The following TMEM171 variants were observed in gnomAD, a reference collection of about 807,000 sequenced individuals.
TMEM171 encodes the protein proline-rich protein PRP2.
In TMEM171, 16 loss-of-function variants were observed where a neutral mutation model predicts 19.1. The ratio of observed to expected loss-of-function variants is 0.84; its 90% CI spans 0.57 to 1.27. TMEM171 has a LOEUF of 1.27. Ranked by LOEUF, TMEM171 falls within the 50% of genes most tolerant of loss-of-function variation. The probability of loss-of-function intolerance (pLI) is 0.00; values close to 1 mark genes in which losing one functional copy is unlikely to be tolerated. For missense variants in TMEM171, 429 were observed against 412.7 expected (o/e 1.04, Z -0.34); for synonymous variants, 153 against 163.4 (o/e 0.94, Z 0.48).
chr5:73,125,417 G>C (rs917740808), intron 2 of TMEM171, among the ~76,000 whole-genome samples: 1 of 152,154 alleles, frequency 6.6e-6, no homozygotes, highest in African/African-American at 2.4e-5. Context: ...GATATCAAGT[G>C]ACTTGCCTAA....
intron 3 of TMEM171, among the ~76,000 whole-genome samples, chr5:73,129,541 T>A (rs1217693928): frequency 2.0e-5 from 3 of 152,094 alleles, no homozygotes; most frequent in Non-Finnish European, 4.4e-5. Context: ...GAAACGGCCG[T>A]AGATTCCCTG....
At chr5:73,131,451 TA>T in intron 3 of TMEM171, 86 bp from the exon 4 acceptor site, 1 of 1,060,656 alleles carries the variant, frequency 9.4e-7, no homozygotes, top group Non-Finnish European at 1.3e-6. Flanking sequence ...TAAGTGCATG[TA>T]ATCAAACATT....
chr5:73,129,502 C>T (rs141857427), intron 3 of TMEM171, among the ~76,000 whole-genome samples: 2,156 of 152,266 alleles, frequency 0.014, 52 homozygotes, highest in African/African-American at 0.049. Context: ...TAGGGTTTTC[C>T]TTTCAATTTA....
intron 1 of TMEM171, among the ~76,000 whole-genome samples, chr5:73,122,438 C>T (rs1322625117): frequency 6.6e-6 from 1 of 152,220 alleles, no homozygotes; most frequent in Non-Finnish European, 1.5e-5. Flanking sequence ...CAGGGTCTCA[C>T]TCTGTTGCCC....
Position 73,131,769 on chromosome 5 carries a change from CTATTT to C in TMEM171, c.*45_*49del. ...GTTCAGTTTTATATGCAATGGATCA[CTATTT>C]TATTTAATTTTTTTTAAATAAAAAA... On this transcript the variant is annotated 3_prime_UTR_variant, in exon 4 of 4. Coordinates refer to ENST00000454765, the MANE Select transcript of TMEM171 (RefSeq NM_173490.8). The C allele has an allele frequency of 1.4e-6, 2 of 1,469,126 alleles. No individual in the cohort carries two copies. The highest frequency in any genetic ancestry group is 1.8e-6 in the Non-Finnish European group (2 of 1,101,490). The allele number at this position is 1,469,126 out of a possible 1,614,324, so 91.0% of individuals were successfully genotyped here. A position where few individuals can be genotyped will look rare whatever the true frequency, so the allele number is the denominator to read the frequency against.
intron 1 of TMEM171, 74 bp from the exon 2 acceptor site, chr5:73,123,229 GAAA>G: frequency 7.5e-7 from 1 of 1,331,572 alleles, no homozygotes; most frequent in South Asian, 1.5e-5. Flanking sequence ...TGTGATTTCA[GAAA>G]TGATCAGCAA....
chr5:73,128,562 G>T, intron 3 of TMEM171, 31 bp downstream of exon 3: 1 of 1,612,188 alleles, frequency 6.2e-7, no homozygotes, highest in Non-Finnish European at 8.5e-7. Context: ...TTCAAGAGAG[G>T]CCTGAATTCA....
intron 2 of TMEM171, among the ~76,000 whole-genome samples, chr5:73,125,272 C>T (rs932731552): frequency 6.6e-6 from 1 of 152,146 alleles, no homozygotes; most frequent in African/African-American, 2.4e-5. Flanking sequence ...TATTTTTGTG[C>T]CAAACACCCA....
intron 1 of TMEM171, among the ~76,000 whole-genome samples, chr5:73,120,905 C>T (rs912791190): frequency 6.6e-5 from 10 of 152,306 alleles, no homozygotes; most frequent in Admixed American, 6.5e-4. Flanking sequence ...ATTTGCCTCT[C>T]GTTTCGTTCC....
Position 73,128,547 on chromosome 5 carries a change from TG to T in TMEM171, c.782+17del. ...TCAACTATGGGTAAGAATTTCAATTTGAACTTCAAGAGAGGCCTGAATTCAG... is the reference window on the plus strand; with the variant it reads ...TCAACTATGGGTAAGAATTTCAATTTAACTTCAAGAGAGGCCTGAATTCAG... On this transcript the variant is annotated intron_variant, in intron 3 of 3. Coordinates refer to ENST00000454765, the MANE Select transcript of TMEM171 (RefSeq NM_173490.8). 6.2e-7 allele frequency: 1 copy of T among 1,613,594 alleles called. No homozygotes were observed. Among genetic ancestry groups the T allele is most frequent in the Non-Finnish European group, 8.5e-7 (1 of 1,179,568 alleles).
rs373790466 is a variant in TMEM171 at position 73,123,908 on chromosome 5, G to C, written c.535G>C (p.Val179Leu). The change falls in exon 2 of 4, where the codon GTG becomes CTG. Residue 179 changes from valine (V) to leucine (L), a missense_variant. By Grantham distance (32) the Val-to-Leu change is conservative (BLOSUM62 1). Transcript: ENST00000454765. ...TGTGCTTGTGGGATTGTGTTTCTTC[G>C]TGGTTGCCCATGTTAAGAAGAGAAA... is the stretch of plus-strand genomic sequence containing the variant. ...LIVLVGLCFFVVAHVKKRNTL... is the reference protein window; with the variant it reads ...LIVLVGLCFFLVAHVKKRNTL... The C allele has an allele frequency of 7.7e-5, 124 of 1,614,034 alleles. No individual in the cohort carries two copies. Among genetic ancestry groups the C allele is most frequent in the Non-Finnish European group, 9.7e-5 (115 of 1,179,986 alleles).
chr5:73,126,108 G>A (rs897032037), intron 2 of TMEM171, among the ~76,000 whole-genome samples: 2 of 152,212 alleles, frequency 1.3e-5, no homozygotes, highest in Non-Finnish European at 1.5e-5. Flanking sequence ...TGGGCAGGCG[G>A]AGCTGCTGGG....
chr5:73,122,712 T>G (rs1365268399), intron 1 of TMEM171, among the ~76,000 whole-genome samples: 1 of 152,238 alleles, frequency 6.6e-6, no homozygotes, highest in African/African-American at 2.4e-5. Flanking sequence ...AGAACCACAT[T>G]TTGATAGAAT....
rs756978970 is a variant in TMEM171, at chr5:73,128,471, G to C, written c.722G>C (p.Gly241Ala). ...SSASAVAESP[G>A]TNSLLPNENP... ...GCTTCTGCGGTCGCTGAGAGTCCTG[G>C]AACTAACAGTCTGCTTCCGAATGAA... is the stretch of plus-strand genomic sequence containing the variant. Residue 241 changes from glycine to alanine, a missense_variant, in exon 3 of 4, where the codon GGA becomes GCA. Gly to Ala is a moderately conservative substitution (Grantham distance 60). Transcript: ENST00000454765. 19 of 1,613,992 alleles carry C rather than the reference G, an allele frequency of 1.2e-5. No individual in the cohort carries two copies. Among genetic ancestry groups the C allele is most frequent in the Non-Finnish European group, 1.6e-5 (19 of 1,180,014 alleles).
chr5:73,124,824 G>A (rs1190802548), intron 2 of TMEM171, among the ~76,000 whole-genome samples: 4 of 152,114 alleles, frequency 2.6e-5, no homozygotes, highest in Non-Finnish European at 5.9e-5. Flanking sequence ...CAGTAGCGTT[G>A]GCCTCAGCTT....
intron 2 of TMEM171, among the ~76,000 whole-genome samples, chr5:73,127,384 A>AAAAAAATATATATATATATAT: frequency 3.7e-5 from 3 of 81,696 alleles, no homozygotes; most frequent in African/African-American, 2.0e-4. Flanking sequence ...AAAAAAAAAA[A>AAAAAAATATATATATATATAT]ATATATATAT....
chr5:73,131,381 A>G (rs1744350221), intron 3 of TMEM171, among the ~76,000 whole-genome samples, 157 bp from the exon 4 acceptor site: 1 of 152,198 alleles, frequency 6.6e-6, no homozygotes, highest in Non-Finnish European at 1.5e-5. Context: ...AGAAATCAAA[A>G]CAAATCTATG....
At position 73,124,022 on chromosome 5, in the gene TMEM171, C is replaced by A; in HGVS notation, c.640+9C>A. The A allele has an allele frequency of 6.6e-7, 1 of 1,519,918 alleles. No individual in the cohort carries two copies. The highest frequency in any genetic ancestry group is 8.8e-7 in the Non-Finnish European group (1 of 1,134,552). 94.2% of individuals were successfully genotyped at this position (1,519,918 alleles called of 1,614,324 possible). A position where few individuals can be genotyped will look rare whatever the true frequency, so the allele number is the denominator to read the frequency against. Reference sequence around the variant, plus strand: ...TGTCCAGGTCACTGTAGGTGGGTTGCTGTTATTTGCGTTCTTGCTTCTATC... The same window carrying A: ...TGTCCAGGTCACTGTAGGTGGGTTGATGTTATTTGCGTTCTTGCTTCTATC... On this transcript the variant is annotated intron_variant, in intron 2 of 3. Transcript: ENST00000454765.
intron 3 of TMEM171, 21 bp downstream of exon 3, chr5:73,128,552 T>C (rs1290725499): frequency 1.2e-6 from 2 of 1,613,072 alleles, no homozygotes; most frequent in East Asian, 2.2e-5. Context: ...CAATTTGAAC[T>C]TCAAGAGAGG....
Sources: gnomAD v4.1 joint callset for allele counts (sites outside exome capture counted in the v4.1 genomes callset) on GRCh38, gnomAD v4.1.1 for gene constraint, MANE v1.5 for transcripts, NCBI Gene and HGNC (gene_info 2026-07-23, HGNC 2026-07-21) for gene names.